Variants in MCTP1 observed in about 807,000 individuals in gnomAD.
MCTP1 encodes multiple C2 and transmembrane domain-containing protein 1.
MCTP1 carries 69 observed loss-of-function variants against 120.6 expected under a neutral mutation model. That is an observed-to-expected ratio of 0.57 (90% CI 0.47 to 0.70). MCTP1 has a LOEUF of 0.70. Ranked by LOEUF, MCTP1 falls within the 30% of genes least tolerant of loss-of-function variation. The probability of loss-of-function intolerance (pLI) is 0.00; values close to 1 mark genes in which losing one functional copy is unlikely to be tolerated. For synonymous variants in MCTP1, 529 were observed against 493.1 expected, an observed-to-expected ratio of 1.07 and a Z score of -0.96; for missense variants, 1,203 against 1,248.8, an observed-to-expected ratio of 0.96 and a Z score of 0.55.
intron 11 of MCTP1, among the ~76,000 whole-genome samples, chr5:94,891,779 TAAATAAATATATTG>T (rs1403090980): frequency 3.3e-5 from 5 of 151,506 alleles, no homozygotes; most frequent in African/African-American, 1.2e-4. Flanking sequence ...AATAAATAAA[TAAATAAATATATTG>T]GTTTAAAAAC....
chr5:95,237,256 C>T (rs1755649901), intron 1 of MCTP1, among the ~76,000 whole-genome samples: 1 of 152,138 alleles, frequency 6.6e-6, no homozygotes, highest in East Asian at 1.9e-4. Context: ...TTCCCAGAAC[C>T]AGCAGGCACC....
chr5:95,279,055 A>G (rs1344348562), intron 1 of MCTP1, among the ~76,000 whole-genome samples: 1 of 152,168 alleles, frequency 6.6e-6, no homozygotes, highest in Non-Finnish European at 1.5e-5. Context: ...AAAAATATAT[A>G]TAACCTAACT....
intron 2 of MCTP1, among the ~76,000 whole-genome samples, chr5:95,010,431 T>C (rs1034111406): frequency 4.6e-5 from 7 of 152,190 alleles, no homozygotes. Flanking sequence ...TCCTACCAAT[T>C]ATATGTATAT....
intron 17 of MCTP1, among the ~76,000 whole-genome samples, chr5:94,817,284 T>C (rs1332089110): frequency 1.3e-5 from 2 of 152,148 alleles, no homozygotes; most frequent in Non-Finnish European, 2.9e-5. Flanking sequence ...GCCGCATGCC[T>C]GTAATCCCAG....
intron 1 of MCTP1, among the ~76,000 whole-genome samples, chr5:95,034,213 G>GA (rs1278233131): frequency 1.3e-5 from 2 of 150,812 alleles, no homozygotes; most frequent in Admixed American, 6.6e-5. Flanking sequence ...CATGGAATTA[G>GA]AAAAAAAAAT....
At position 95,284,714 on chromosome 5, in the gene MCTP1, A is replaced by C. The variant is rs1760618187; in HGVS notation, c.-139T>G. On this transcript the variant is annotated 5_prime_UTR_variant, in exon 1 of 23. Coordinates refer to ENST00000515393, the MANE Select transcript of MCTP1 (RefSeq NM_024717.7). The surrounding 1 kb of genome is among the most constrained non-coding windows in gnomAD (Gnocchi z 5.2). The stretch of plus-strand genomic sequence containing the variant: ...GGCGGCGGCGGGCGCAGCAGCAGAA[A>C]CCGGGAGTGCCCAGCGACTTCAGGC... The C allele has an allele frequency of 4.2e-5, 26 of 612,142 alleles. No homozygotes were observed. The highest frequency in any genetic ancestry group is 4.7e-4 in the Middle Eastern group (1 of 2,116). The allele number at this position is 612,142 out of a possible 1,614,324, so 37.9% of individuals were successfully genotyped here.
rs75861015 is a variant in MCTP1 at position 94,838,809 on chromosome 5, T to A, written c.2436+29524A>T. 6.5e-3 allele frequency among the ~76,000 whole-genome samples: 993 copies of A among 152,176 alleles called. 14 individuals are homozygous for A. The highest frequency in any genetic ancestry group is 0.023 in the African/African-American group (948 of 41,528). On this transcript the variant is annotated intron_variant, in intron 17 of 22. Coordinates refer to ENST00000515393, the MANE Select transcript of MCTP1 (RefSeq NM_024717.7). ...TTAGAGTATATATTTTGAGTAGATG[T>A]GAGGGATTTTGGCATAGAAAAGGCA...
chr5:94,774,031 AC>A lies in MCTP1; in HGVS notation c.2610+5078del, dbSNP rs1316263650. Reference sequence around the variant, plus strand: ...AGACCATCCCGGCTAAAATGGTGAAACCCCGTCTCTACTAAAAATACAAAAA... The same window carrying A: ...AGACCATCCCGGCTAAAATGGTGAAACCCGTCTCTACTAAAAATACAAAAA... On this transcript the variant is annotated intron_variant, in intron 19 of 22. Transcript: ENST00000515393. Among the ~76,000 whole-genome samples the A allele has an allele frequency of 4.5e-4, 22 of 49,104 alleles. 5 individuals carry two copies. The highest frequency in any genetic ancestry group is 2.3e-3 in the African/African-American group (22 of 9,776). The allele number at this position is 49,104 out of a possible 152,430, so 32.2% of individuals were successfully genotyped here.
At chr5:95,184,373 T>C (rs1399420768) in intron 1 of MCTP1, among the ~76,000 whole-genome samples, 1 of 152,084 alleles carries the variant, frequency 6.6e-6, no homozygotes, top group Non-Finnish European at 1.5e-5. Flanking sequence ...ACTGGAGAAT[T>C]TTACCAAACA....
At chr5:94,803,203 ACAAT>A (rs1781560258) in intron 17 of MCTP1, among the ~76,000 whole-genome samples, 1 of 152,216 alleles carries the variant, frequency 6.6e-6, no homozygotes, top group African/African-American at 2.4e-5. Flanking sequence ...GTTGTAATTT[ACAAT>A]TAGAATTCAA....
intron 1 of MCTP1, among the ~76,000 whole-genome samples, chr5:95,195,983 T>C (rs180947377): frequency 3.1e-3 from 474 of 152,258 alleles, no homozygotes; most frequent in Non-Finnish European, 5.3e-3. Flanking sequence ...TTATTTTCTT[T>C]ATATGTGGTC....
At position 94,870,925 on chromosome 5, in the gene MCTP1, T is replaced by C. The variant is rs1438622173; in HGVS notation, c.2188A>G (p.Thr730Ala). The C allele has an allele frequency of 1.2e-6, 2 of 1,613,276 alleles. No individual in the cohort carries two copies. The highest frequency in any genetic ancestry group is 1.7e-6 in the Non-Finnish European group (2 of 1,179,480). Residue 730 changes from threonine (T) to alanine (A), a missense_variant, in exon 15 of 23, where the codon ACA becomes GCA. By Grantham distance (58) the Thr-to-Ala change is moderately conservative (BLOSUM62 0). This residue lies in a region of MCTP1 where 740 missense variants were observed against 871.1 expected (regional missense o/e 0.85). Coordinates refer to ENST00000515393, the MANE Select transcript of MCTP1 (RefSeq NM_024717.7). ...TAGATGACCCCCTTTGTTGGCCCTG[T>C]CAGCTGCTTGTTTTTCAAGACGTAG... ...KAYVLKNKQL[T>A]GPTKGVIYLE...
At chr5:94,747,935 A>G (rs554549863) in intron 19 of MCTP1, among the ~76,000 whole-genome samples, 1 of 152,240 alleles carries the variant, frequency 6.6e-6, no homozygotes, top group South Asian at 2.1e-4. Context: ...TACTAAAAGT[A>G]TAAAAATTGC....
intron 2 of MCTP1, among the ~76,000 whole-genome samples, chr5:95,003,336 G>A (rs1290493033): frequency 6.6e-6 from 1 of 152,124 alleles, no homozygotes; most frequent in African/African-American, 2.4e-5. Context: ...ATTGCCTACA[G>A]TATTAACTGC....
intron 1 of MCTP1, among the ~76,000 whole-genome samples, chr5:95,095,005 GATTTTTTT>G (rs1756123723): frequency 8.8e-5 from 7 of 79,554 alleles, no homozygotes; most frequent in African/African-American, 3.5e-4. Flanking sequence ...TGTTATGTTA[GATTTTTTT>G]TTTTTTTTTT....
At chr5:95,237,083 C>G (rs1239559982) in intron 1 of MCTP1, among the ~76,000 whole-genome samples, 2 of 152,176 alleles carry the variant, frequency 1.3e-5, no homozygotes, top group Admixed American at 6.5e-5. Context: ...GCAGTAACCT[C>G]CAGTCCCTCT....
intron 3 of MCTP1, among the ~76,000 whole-genome samples, chr5:94,948,588 T>C (rs1023769257): frequency 1.3e-5 from 2 of 152,190 alleles, no homozygotes; most frequent in Non-Finnish European, 2.9e-5. Context: ...TTGGGTGCTC[T>C]ATGGTTTATG....
intron 1 of MCTP1, among the ~76,000 whole-genome samples, chr5:95,117,143 C>G (rs566463058): frequency 2.0e-5 from 3 of 152,026 alleles, no homozygotes; most frequent in Non-Finnish European, 4.4e-5. Flanking sequence ...GAAAAAAAAG[C>G]TCTTTGGGAG....
chr5:95,253,720 A>G (rs1757606648), intron 1 of MCTP1, among the ~76,000 whole-genome samples: 1 of 152,122 alleles, frequency 6.6e-6, no homozygotes, highest in Non-Finnish European at 1.5e-5. Flanking sequence ...ATATAAAAAG[A>G]CAAGATTATT....
Sources: allele counts gnomAD v4.1 joint callset (sites outside exome capture counted in the v4.1 genomes callset), GRCh38; gene constraint gnomAD v4.1.1; regional missense constraint gnomAD v4.1.1; non-coding constraint Gnocchi (gnomAD v3.1); transcripts MANE v1.5; gene names NCBI Gene and HGNC (gene_info 2026-07-23, HGNC 2026-07-21).